CTNNA3: variants seen among roughly 807,000 people sequenced by gnomAD.
CTNNA3 encodes the protein catenin alpha 3, also known as catenin alpha-3.
CTNNA3 carries 76 observed loss-of-function variants against 95.7 expected under a neutral mutation model. That is an observed-to-expected ratio of 0.79 (90% CI 0.66 to 0.96). The LOEUF is 0.96. Ranked by LOEUF, CTNNA3 falls within the 40% of genes least tolerant of loss-of-function variation. The pLI is 0.00. For synonymous variants in CTNNA3, 431 were observed against 374.4 expected (o/e 1.15, Z -1.74); for missense variants, 1,191 against 1,089.8 (o/e 1.09, Z -1.31).
chr10:66,213,203 T>A (rs1339679582), intron 13 of CTNNA3, among the ~76,000 whole-genome samples: 7 of 152,156 alleles, frequency 4.6e-5, no homozygotes, highest in African/African-American at 1.7e-4. Context: ...TATAACTTCA[T>A]AGGATATTGA....
chr10:66,237,270 T>C (rs1265324869), intron 13 of CTNNA3, among the ~76,000 whole-genome samples: 3 of 152,184 alleles, frequency 2.0e-5, no homozygotes, highest in African/African-American at 7.2e-5. Flanking sequence ...AATAGAAAAG[T>C]AATGTACAAT....
intron 7 of CTNNA3, among the ~76,000 whole-genome samples, chr10:67,001,723 C>T (rs1334879853): frequency 1.3e-5 from 2 of 152,090 alleles, no homozygotes; most frequent in Non-Finnish European, 2.9e-5. Flanking sequence ...TTACATACAT[C>T]TTGTCAGGCA....
intron 13 of CTNNA3, among the ~76,000 whole-genome samples, chr10:66,185,268 A>G (rs1483405593): frequency 6.6e-6 from 1 of 152,178 alleles, no homozygotes; most frequent in Admixed American, 6.5e-5. Flanking sequence ...GAGTTGGAGG[A>G]TGGTAAATAC....
At position 66,939,892 on chromosome 10, in the gene CTNNA3, A is replaced by T. The variant is rs542206172; in HGVS notation, c.1048-164368T>A. 1.3e-5 allele frequency among the ~76,000 whole-genome samples: 2 copies of T among 152,188 alleles called. 1 individual carries two copies. The highest frequency in any genetic ancestry group is 4.1e-4 in the South Asian group (2 of 4,830). On this transcript the variant is annotated intron_variant, in intron 7 of 17. Transcript: ENST00000433211. ...TTGTAACAATCTTCCAAGAACTGCAATCCTCAAGTTCTCTCTTTGTTATCC... is the reference window on the plus strand; with the variant it reads ...TTGTAACAATCTTCCAAGAACTGCATTCCTCAAGTTCTCTCTTTGTTATCC...
At chr10:67,590,953 T>A (rs1842772265) in intron 3 of CTNNA3, among the ~76,000 whole-genome samples, 1 of 152,142 alleles carries the variant, frequency 6.6e-6, no homozygotes, top group Non-Finnish European at 1.5e-5. Context: ...TTTTGTTTCA[T>A]GTTTAACAAA....
intron 10 of CTNNA3, among the ~76,000 whole-genome samples, chr10:66,563,717 A>G (rs1285077107): frequency 6.6e-6 from 1 of 152,092 alleles, no homozygotes; most frequent in African/African-American, 2.4e-5. Flanking sequence ...GACAAAGGAC[A>G]GACAGAACTA....
At chr10:66,450,253 G>A (rs780384287) in intron 11 of CTNNA3, among the ~76,000 whole-genome samples, 38 of 152,204 alleles carry the variant, frequency 2.5e-4, no homozygotes, top group Non-Finnish European at 4.3e-4. Flanking sequence ...TTATGTTTAA[G>A]TCACATGCTA....
intron 12 of CTNNA3, among the ~76,000 whole-genome samples, chr10:66,362,334 C>G (rs1184941105): frequency 1.5e-4 from 22 of 151,542 alleles, no homozygotes; most frequent in Admixed American, 1.4e-3. Context: ...ATCTCCTGAC[C>G]TCATGATCCT....
intron 5 of CTNNA3, among the ~76,000 whole-genome samples, chr10:67,442,438 G>A (rs1200537106): frequency 6.6e-6 from 1 of 151,924 alleles, no homozygotes; most frequent in African/African-American, 2.4e-5. Flanking sequence ...AAAAAAGAGA[G>A]AGACCCAATG....
At position 67,590,437 on chromosome 10, in the gene CTNNA3, A is replaced by C. The variant is rs1564766047; in HGVS notation, c.292+16420T>G. 2.0e-5 allele frequency among the ~76,000 whole-genome samples: 3 copies of C among 152,132 alleles called. No individual in the cohort carries two copies. The South Asian group carries it at 6.2e-4, about 31-fold the overall frequency. On this transcript the variant is annotated intron_variant, in intron 3 of 17. Transcript: ENST00000433211. The stretch of plus-strand genomic sequence containing the variant: ...TGAGTCAAGAAACATAGCCATGCAT[A>C]TATGGAACTTTGGCATTTGACAAAC...
At chr10:67,529,860 A>G (rs778229685) in intron 4 of CTNNA3, among the ~76,000 whole-genome samples, 10 of 152,002 alleles carry the variant, frequency 6.6e-5, no homozygotes, top group Non-Finnish European at 1.0e-4. Flanking sequence ...AACTCCCACA[A>G]TTCCCAAGTG....
At chr10:66,065,063 T>A (rs953358213) in intron 15 of CTNNA3, among the ~76,000 whole-genome samples, 2 of 152,120 alleles carry the variant, frequency 1.3e-5, no homozygotes, top group African/African-American at 4.8e-5. Context: ...CAAAAAGTGA[T>A]AACTGCTAAA....
intron 11 of CTNNA3, among the ~76,000 whole-genome samples, chr10:66,466,492 C>T (rs974124813): frequency 6.6e-6 from 1 of 152,006 alleles, no homozygotes; most frequent in South Asian, 2.1e-4. Context: ...TCCTCATGAT[C>T]TGACTGCTGG....
intron 11 of CTNNA3, among the ~76,000 whole-genome samples, chr10:66,481,554 C>A (rs1839533941): frequency 2.8e-5 from 4 of 143,548 alleles, no homozygotes; most frequent in Admixed American, 2.8e-4. Flanking sequence ...TCACTGCAAG[C>A]TCCGCCTCCC....
chr10:67,303,424 A>G (rs993328021), intron 5 of CTNNA3, among the ~76,000 whole-genome samples: 9 of 152,378 alleles, frequency 5.9e-5, no homozygotes, highest in African/African-American at 2.2e-4. Context: ...AATTTTGTAC[A>G]TTACAGCCTT....
intron 12 of CTNNA3, among the ~76,000 whole-genome samples, chr10:66,360,814 TTCC>T (rs1564897310): frequency 1.4e-5 from 1 of 71,184 alleles, no homozygotes; most frequent in South Asian, 6.4e-4. Context: ...CCTTCCTTCC[TTCC>T]TTTCTTTCTT....
At chr10:66,806,051 T>C (rs1240850711) in intron 7 of CTNNA3, among the ~76,000 whole-genome samples, 1 of 151,954 alleles carries the variant, frequency 6.6e-6, no homozygotes, top group Non-Finnish European at 1.5e-5. Context: ...GGAAAATTAG[T>C]TGGGAAAAAG....
chr10:66,014,603 T>A (rs1231008534), intron 15 of CTNNA3, among the ~76,000 whole-genome samples: 1 of 152,208 alleles, frequency 6.6e-6, no homozygotes, highest in African/African-American at 2.4e-5. Context: ...TACTGTCCAA[T>A]AACACTTTTG....
At chr10:66,905,126 G>A (rs1478419120) in intron 7 of CTNNA3, among the ~76,000 whole-genome samples, 1 of 152,122 alleles carries the variant, frequency 6.6e-6, no homozygotes, top group Non-Finnish European at 1.5e-5. Flanking sequence ...CAACCCAAAT[G>A]TCCATCAATA....
Sources: gnomAD v4.1 joint callset for allele counts (sites outside exome capture counted in the v4.1 genomes callset) on GRCh38, gnomAD v4.1.1 for gene constraint, MANE v1.5 for transcripts, NCBI Gene and HGNC (gene_info 2026-07-23, HGNC 2026-07-21) for gene names.